U2SURP: variants seen among roughly 807,000 people sequenced by gnomAD.
The protein encoded by U2SURP is U2 snRNP associated SURP domain containing, also known as U2 snRNP-associated SURP motif-containing protein.
In U2SURP, 9 loss-of-function variants were observed where a neutral mutation model predicts 144.9. The ratio of observed to expected loss-of-function variants is 0.06; its 90% confidence interval spans 0.04 to 0.11. U2SURP has a LOEUF of 0.11. Among genes scored for constraint, U2SURP ranks in the 10% least tolerant of loss-of-function variants. The probability of loss-of-function intolerance (pLI) is 1.00; values close to 1 mark genes in which losing one functional copy is unlikely to be tolerated. For synonymous variants in U2SURP, 408 were observed against 396.8 expected (o/e 1.03, Z -0.33); for missense variants, 724 against 1,226.7 (o/e 0.59, Z 6.12).
chr3:143,056,559 T>A lies in U2SURP; in HGVS notation c.*109T>A. The A allele has an allele frequency of 7.2e-7, 1 of 1,392,846 alleles. No individual in the cohort carries two copies. Among genetic ancestry groups the A allele is most frequent in the Non-Finnish European group, 9.6e-7 (1 of 1,038,470 alleles). 86.3% of individuals were successfully genotyped at this position (1,392,846 alleles called of 1,614,324 possible). A position where few individuals can be genotyped will look rare whatever the true frequency, so the allele number is the denominator to read the frequency against. On this transcript the variant is annotated 3_prime_UTR_variant, in exon 28 of 28. Coordinates refer to ENST00000473835, the MANE Select transcript of U2SURP (RefSeq NM_001080415.2). The stretch of plus-strand genomic sequence containing the variant: ...TCAAATGAAAGAGCATTCCTGGGGT[T>A]TTTTGTTTGTTTGTGTATGCATGTG...
chr3:143,037,375 A>G lies in U2SURP; in HGVS notation c.2221+40A>G, dbSNP rs1256941886. 3 of 1,582,726 alleles carry G rather than the reference A, an allele frequency of 1.9e-6. No individual in the cohort carries two copies. In the South Asian group the frequency reaches 3.4e-5, roughly 18 times the overall value. On this transcript the variant is annotated intron_variant, in intron 21 of 27. Coordinates refer to ENST00000473835, the MANE Select transcript of U2SURP (RefSeq NM_001080415.2). ...CAAACTGATTAAATCTAGCTAATAC[A>G]TTTGGTGACCAAAACTCTAATTTCC...
chr3:143,021,615 G>A, intron 10 of U2SURP, 60 bp downstream of exon 10: 1 of 1,482,056 alleles, frequency 6.7e-7, no homozygotes, highest in Admixed American at 2.0e-5. Context: ...AGAAAGCTTT[G>A]TTAGTCAAAA....
chr3:143,044,004 C>T (rs1441635603), intron 24 of U2SURP, among the ~76,000 whole-genome samples: 3 of 152,148 alleles, frequency 2.0e-5, no homozygotes, highest in Middle Eastern at 3.4e-3. Flanking sequence ...CCGCCCACCT[C>T]GGCCTCCCAA....
Position 143,012,040 on chromosome 3 carries a change from GA to G in U2SURP, c.91-178del, listed in dbSNP as rs112658642. 4,349 of 764,034 alleles carry G rather than the reference GA, an allele frequency of 5.7e-3. 134 individuals carry two copies. In the African/African-American group the frequency reaches 0.066, roughly 12 times the overall value. 47.3% of individuals were successfully genotyped at this position (764,034 alleles called of 1,614,324 possible). A position where few individuals can be genotyped will look rare whatever the true frequency, so the allele number is the denominator to read the frequency against. ...TTCAAGCTTGTGAGTTAGAGTTATT[GA>G]AAACTTTCCCTGTTCTTAAGAACTT... On this transcript the variant is annotated intron_variant, in intron 2 of 27. Coordinates refer to ENST00000473835, the MANE Select transcript of U2SURP (RefSeq NM_001080415.2).
chr3:143,023,969 A>T lies in U2SURP; in HGVS notation c.1231-6A>T. ...TGTTTATTATCTGATGTGACTTCAT[A>T]TACAGACTCTGTCGCAAGCCATAGT... On this transcript the variant is annotated splice_region_variant and splice_polypyrimidine_tract_variant and intron_variant, in intron 12 of 27. Transcript: ENST00000473835. 6.2e-7 allele frequency: 1 copy of T among 1,612,976 alleles called. No homozygotes were observed.
chr3:143,012,411 T>A, intron 3 of U2SURP, 58 bp downstream of exon 3: 1 of 1,456,298 alleles, frequency 6.9e-7, no homozygotes. Flanking sequence ...TTTTAATCTG[T>A]CTTTGACTGA....
intron 23 of U2SURP, 111 bp downstream of exon 23, chr3:143,039,071 T>C: frequency 1.4e-6 from 1 of 719,210 alleles, no homozygotes; most frequent in South Asian, 2.8e-5. Flanking sequence ...CTTAAAAAAT[T>C]TTGGGAGAGG....
At chr3:143,037,400 C>T in intron 21 of U2SURP, 65 bp downstream of exon 21, 1 of 1,425,582 alleles carries the variant, frequency 7.0e-7, no homozygotes, top group Non-Finnish European at 9.7e-7. Flanking sequence ...CTCTAATTTC[C>T]ATACATGCTG....
intron 25 of U2SURP, among the ~76,000 whole-genome samples, chr3:143,052,782 A>AG (rs991630392): frequency 4.2e-4 from 64 of 152,240 alleles, no homozygotes; most frequent in African/African-American, 1.5e-3. Context: ...GCTATCACAT[A>AG]GCTTGCTTGA....
chr3:143,022,686 T>G (rs529531279), intron 11 of U2SURP, 24 bp downstream of exon 11: 1 of 1,595,082 alleles, frequency 6.3e-7, no homozygotes, highest in Non-Finnish European at 8.5e-7. Context: ...TATTATCCAT[T>G]TATACAATTC....
intron 27 of U2SURP, among the ~76,000 whole-genome samples, chr3:143,055,752 G>T (rs957402991): frequency 6.6e-6 from 1 of 151,974 alleles, no homozygotes; most frequent in African/African-American, 2.4e-5. Flanking sequence ...GTATATATAT[G>T]TATGTATGTG....
At chr3:143,008,883 A>T (rs920565299) in intron 1 of U2SURP, among the ~76,000 whole-genome samples, 2 of 152,320 alleles carry the variant, frequency 1.3e-5, no homozygotes, top group Admixed American at 1.3e-4. Context: ...CTCCTGCCTC[A>T]GCGAGTAGCT....
chr3:143,001,608 G>T lies in U2SURP; in HGVS notation c.-21G>T, dbSNP rs752941456. 4 of 1,613,748 alleles carry T rather than the reference G, an allele frequency of 2.5e-6. No homozygotes were observed. The highest frequency in any genetic ancestry group is 2.5e-6 in the Non-Finnish European group (3 of 1,179,810). ...ACTCGCCCGTGCTGCTGCCGCCGCC[G>T]AAGGAGGGGCAAAGCTCAAGATGGC... is the stretch of plus-strand genomic sequence containing the variant. On this transcript the variant is annotated 5_prime_UTR_variant, in exon 1 of 28. Coordinates refer to ENST00000473835, the MANE Select transcript of U2SURP (RefSeq NM_001080415.2).
intron 10 of U2SURP, 30 bp from the exon 11 acceptor site, chr3:143,022,467 A>G (rs761844479): frequency 1.4e-6 from 2 of 1,437,626 alleles, no homozygotes; most frequent in East Asian, 2.4e-5. Context: ...CCTTTTTTGC[A>G]TAATAAAAAT....
chr3:143,033,185 ACT>A, intron 17 of U2SURP, 84 bp from the exon 18 acceptor site: 1 of 909,114 alleles, frequency 1.1e-6, no homozygotes, highest in South Asian at 1.6e-5. Flanking sequence ...GCTTCATATA[ACT>A]CTTCTAATTA....
chr3:143,056,732 G>A lies in U2SURP; in HGVS notation c.*282G>A. On this transcript the variant is annotated 3_prime_UTR_variant, in exon 28 of 28. Transcript: ENST00000473835. The stretch of plus-strand genomic sequence containing the variant: ...TATAATGGATCTGCTGACAGTAGTA[G>A]TATTTTGTTTTAGGATGTTGTGACT... The A allele has an allele frequency of 3.9e-6, 1 of 254,746 alleles. No individual in the cohort carries two copies. Among genetic ancestry groups the A allele is most frequent in the Non-Finnish European group, 7.6e-6 (1 of 132,448 alleles). 15.8% of individuals were successfully genotyped at this position (254,746 alleles called of 1,614,324 possible).
chr3:143,007,443 G>GAT (rs1935900311), intron 1 of U2SURP, among the ~76,000 whole-genome samples: 1 of 96,726 alleles, frequency 1.0e-5, no homozygotes, highest in Non-Finnish European at 2.0e-5. Context: ...CCTTTCAAGA[G>GAT]ATTTTTTTTT....
At chr3:143,016,477 T>A in intron 5 of U2SURP, 106 bp downstream of exon 5, 22 of 933,266 alleles carry the variant, frequency 2.4e-5, no homozygotes, top group Non-Finnish European at 3.6e-5. Context: ...TGAAAGGAAG[T>A]TTGGTTGCTT....
At chr3:143,044,426 C>G (rs768373490) in intron 24 of U2SURP, among the ~76,000 whole-genome samples, 8 of 151,352 alleles carry the variant, frequency 5.3e-5, no homozygotes, top group Non-Finnish European at 1.0e-4. Flanking sequence ...GTAGCTGGGA[C>G]TACAGATGTG....
Sources: allele counts gnomAD v4.1 joint callset (sites outside exome capture counted in the v4.1 genomes callset), GRCh38; gene constraint gnomAD v4.1.1; transcripts MANE v1.5; gene names NCBI Gene and HGNC (gene_info 2026-07-23, HGNC 2026-07-21).